Variants in CCSER1 observed in about 807,000 individuals in gnomAD.
CCSER1 encodes the protein coiled-coil serine rich protein 1.
CCSER1 carries 41 observed loss-of-function variants against 82.0 expected under a neutral mutation model. The ratio of observed to expected loss-of-function variants is 0.50; its 90% CI spans 0.39 to 0.65. The LOEUF is 0.65. Among genes scored for constraint, CCSER1 ranks in the 30% least tolerant of loss-of-function variants. The probability of loss-of-function intolerance (pLI) is 0.00; values close to 1 mark genes in which losing one functional copy is unlikely to be tolerated. For synonymous variants in CCSER1, 414 were observed against 383.9 expected (o/e 1.08, Z -0.92); for missense variants, 1,119 against 1,064.2 (o/e 1.05, Z -0.72).
intron 9 of CCSER1, among the ~76,000 whole-genome samples, chr4:90,966,491 C>G (rs1464151012): frequency 6.6e-6 from 1 of 152,004 alleles, no homozygotes; most frequent in Non-Finnish European, 1.5e-5. Flanking sequence ...TCTTATCCAA[C>G]CAAACTGTCT....
chr4:90,985,624 C>T (rs1736517007), intron 9 of CCSER1, among the ~76,000 whole-genome samples: 2 of 151,576 alleles, frequency 1.3e-5, no homozygotes, highest in Non-Finnish European at 3.0e-5. Flanking sequence ...GAAAGAGATT[C>T]CTGTGTACTC....
intron 10 of CCSER1, among the ~76,000 whole-genome samples, chr4:91,297,371 G>GTGTATGTGTGTGTA (rs1560573746): frequency 2.0e-5 from 2 of 102,176 alleles, no homozygotes; most frequent in Non-Finnish European, 2.1e-5. Context: ...ATGCTTGTGT[G>GTGTATGTGTGTGTA]TGTGTGTGTG....
chr4:91,553,978 G>T (rs1762290449), intron 10 of CCSER1, among the ~76,000 whole-genome samples: 1 of 149,902 alleles, frequency 6.7e-6, no homozygotes, highest in Admixed American at 6.7e-5. Context: ...ATAGCTTATT[G>T]TTTACTTGAG....
chr4:90,798,889 G>A (rs1300168172), intron 7 of CCSER1, among the ~76,000 whole-genome samples: 7 of 152,150 alleles, frequency 4.6e-5, no homozygotes, highest in Admixed American at 4.6e-4. Context: ...GGTGGCGGAA[G>A]GTGCTTTCAG....
chr4:90,207,915 C>T (rs1323523932), intron 1 of CCSER1, among the ~76,000 whole-genome samples: 2 of 152,134 alleles, frequency 1.3e-5, no homozygotes, highest in Admixed American at 6.5e-5. Flanking sequence ...CAGAGTGCTC[C>T]TGTGTGAGGT....
Position 90,615,637 on chromosome 4 carries a change from A to G in CCSER1, c.1725-12388A>G, listed in dbSNP as rs115028073. 6.3e-3 allele frequency among the ~76,000 whole-genome samples: 951 copies of G among 152,006 alleles called. 23 individuals carry two copies. Among genetic ancestry groups the G allele is most frequent in the African/African-American group, 0.021 (872 of 41,420 alleles). ...TATGTAACTGAATTGCTGTAATCCCATAACGGTTGCTTCTTGTAGATGAGC... is the reference window on the plus strand; with the variant it reads ...TATGTAACTGAATTGCTGTAATCCCGTAACGGTTGCTTCTTGTAGATGAGC... On this transcript the variant is annotated intron_variant, in intron 5 of 10. Transcript: ENST00000509176.
At chr4:90,175,920 T>C (rs973872226) in intron 1 of CCSER1, among the ~76,000 whole-genome samples, 1 of 151,944 alleles carries the variant, frequency 6.6e-6, no homozygotes, top group African/African-American at 2.4e-5. Flanking sequence ...ATGGGAGATA[T>C]ATTAGAGCTT....
chr4:90,612,500 GA>G (rs150826007), intron 5 of CCSER1, among the ~76,000 whole-genome samples: 3,986 of 152,226 alleles, frequency 0.026, 76 homozygotes, highest in Middle Eastern at 0.051. Context: ...AAACTTATTA[GA>G]TTTATGACAT....
chr4:91,114,086 T>G (rs1015279953), intron 10 of CCSER1, among the ~76,000 whole-genome samples: 1 of 152,140 alleles, frequency 6.6e-6, no homozygotes, highest in Admixed American at 6.5e-5. Context: ...TCTCCTGACC[T>G]CGTGATCCGC....
Position 90,706,773 on chromosome 4 carries a change from C to T in CCSER1, c.1933-17141C>T, listed in dbSNP as rs141962772. Among the ~76,000 whole-genome samples, 72 of 152,252 alleles carry T rather than the reference C, an allele frequency of 4.7e-4. 1 individual carries two copies. In the East Asian group the frequency reaches 0.011, roughly 24 times the overall value. Reference sequence around the variant, plus strand: ...ATTCTTTCTGTTTATTCTGCTCATTCCCTTATGTAGTTTTTATTGTAAATT... The same window carrying T: ...ATTCTTTCTGTTTATTCTGCTCATTTCCTTATGTAGTTTTTATTGTAAATT... On this transcript the variant is annotated intron_variant, in intron 6 of 10. Transcript: ENST00000509176.
At chr4:91,244,003 C>T (rs926875691) in intron 10 of CCSER1, among the ~76,000 whole-genome samples, 15 of 152,200 alleles carry the variant, frequency 9.9e-5, no homozygotes, top group African/African-American at 3.6e-4. Context: ...AAAGCATTTC[C>T]TGACCTTCCC....
intron 1 of CCSER1, among the ~76,000 whole-genome samples, chr4:90,283,107 C>T (rs942194930): frequency 2.0e-5 from 3 of 151,818 alleles, no homozygotes; most frequent in East Asian, 1.9e-4. Context: ...AGAGGGGGAC[C>T]GTTATCTAGT....
intron 7 of CCSER1, among the ~76,000 whole-genome samples, chr4:90,772,359 A>G (rs962243810): frequency 6.6e-6 from 1 of 152,148 alleles, no homozygotes; most frequent in African/African-American, 2.4e-5. Flanking sequence ...AATTGAGACC[A>G]GTTTTTGAGA....
intron 9 of CCSER1, among the ~76,000 whole-genome samples, chr4:90,946,789 A>G (rs1288704423): frequency 3.3e-5 from 5 of 152,216 alleles, no homozygotes; most frequent in Admixed American, 2.6e-4. Flanking sequence ...TACTGTATCC[A>G]AACCTCACCC....
chr4:91,288,184 A>G (rs1743468495), intron 10 of CCSER1, among the ~76,000 whole-genome samples: 1 of 143,688 alleles, frequency 7.0e-6, no homozygotes, highest in Non-Finnish European at 1.5e-5. Flanking sequence ...ACATATACAC[A>G]TACATACACA....
chr4:90,160,826 C>A (rs1560717815), intron 1 of CCSER1, among the ~76,000 whole-genome samples: 1 of 151,670 alleles, frequency 6.6e-6, no homozygotes, highest in African/African-American at 2.4e-5. Flanking sequence ...TGAAGATTAG[C>A]AAAAAAACAG....
chr4:91,104,140 C>T (rs1355505418), intron 10 of CCSER1, among the ~76,000 whole-genome samples: 2 of 152,134 alleles, frequency 1.3e-5, no homozygotes, highest in Non-Finnish European at 2.9e-5. Context: ...CGGTTCTCTG[C>T]ACTTGAACCC....
intron 10 of CCSER1, among the ~76,000 whole-genome samples, chr4:91,128,357 T>G (rs1469381782): frequency 6.6e-6 from 1 of 152,004 alleles, no homozygotes; most frequent in Non-Finnish European, 1.5e-5. Context: ...TAAAAGGAAA[T>G]AATTTGCACA....
At chr4:90,956,706 G>A (rs1733467262) in intron 9 of CCSER1, among the ~76,000 whole-genome samples, 1 of 151,618 alleles carries the variant, frequency 6.6e-6, no homozygotes, top group African/African-American at 2.4e-5. Flanking sequence ...TTTATACAAG[G>A]ATTTCCCAGG....
Sources: gnomAD v4.1 joint callset for allele counts (sites outside exome capture counted in the v4.1 genomes callset) on GRCh38, gnomAD v4.1.1 for gene constraint, MANE v1.5 for transcripts, NCBI Gene and HGNC (gene_info 2026-07-23, HGNC 2026-07-21) for gene names.